TMEM63B: variants seen among roughly 807,000 people sequenced by gnomAD.
The protein encoded by TMEM63B is transmembrane protein 63B, also known as mechanosensitive cation channel TMEM63B.
In TMEM63B, 23 loss-of-function variants were observed where a neutral mutation model predicts 102.6. That is an observed-to-expected ratio of 0.22 (90% CI 0.16 to 0.32). TMEM63B has a LOEUF of 0.32. TMEM63B is among the 10% of genes least tolerant of loss of function. The probability of loss-of-function intolerance (pLI) is 1.00; values close to 1 mark genes in which losing one functional copy is unlikely to be tolerated. For synonymous variants in TMEM63B, 444 were observed against 437.0 expected, an observed-to-expected ratio of 1.02 and a Z score of -0.20; for missense variants, 628 against 1,095.9, an observed-to-expected ratio of 0.57 and a Z score of 6.03.
chr6:44,149,532 A>G (rs1390806127), intron 15 of TMEM63B, among the ~76,000 whole-genome samples: 1 of 152,208 alleles, frequency 6.6e-6, no homozygotes, highest in East Asian at 1.9e-4. Flanking sequence ...TAGGGAAGCT[A>G]TTGAATCTTT....
intron 2 of TMEM63B, 78 bp downstream of exon 2, chr6:44,134,821 T>C (rs1762594092): frequency 1.3e-6 from 2 of 1,516,186 alleles, no homozygotes; most frequent in Admixed American, 1.9e-5. Context: ...CTCTAACCAC[T>C]CTCCCACCTG....
intron 1 of TMEM63B, chr6:44,134,326 T>G: frequency 2.0e-6 from 1 of 492,370 alleles, no homozygotes; most frequent in Non-Finnish European, 3.6e-6. Flanking sequence ...AGTCCAGGCC[T>G]GGCATCTAGA....
intron 6 of TMEM63B, 76 bp downstream of exon 6, chr6:44,138,593 C>T: frequency 6.3e-7 from 1 of 1,588,154 alleles, no homozygotes; most frequent in Non-Finnish European, 8.6e-7. Context: ...AATTCAGAAG[C>T]CAGCAGCTTT....
At chr6:44,139,818 G>C (rs1052230253) in intron 8 of TMEM63B, 59 bp downstream of exon 8, 1 of 1,606,624 alleles carries the variant, frequency 6.2e-7, no homozygotes, top group South Asian at 1.1e-5. Flanking sequence ...GGGCCATGAT[G>C]TGGGACAGGG....
At chr6:44,153,463 T>C (rs1767237130) in intron 20 of TMEM63B, among the ~76,000 whole-genome samples, 1 of 152,226 alleles carries the variant, frequency 6.6e-6, no homozygotes, top group African/African-American at 2.4e-5. Context: ...AATAGTAGAA[T>C]TCCTGATGAG....
chr6:44,152,760 C>T lies in TMEM63B; in HGVS notation c.1942+62C>T. ...GGGGGACCCAGGACTTCACCCTCTCCACTCTAGGAATGCAGGCCACCCCGA... is the reference window on the plus strand; with the variant it reads ...GGGGGACCCAGGACTTCACCCTCTCTACTCTAGGAATGCAGGCCACCCCGA... On this transcript the variant is annotated intron_variant, in intron 20 of 23. Coordinates refer to ENST00000323267, the MANE Select transcript of TMEM63B (RefSeq NM_018426.3). The surrounding 1 kb of genome is among the most constrained non-coding windows in gnomAD (Gnocchi z 6.4). The T allele has an allele frequency of 7.0e-7, 1 of 1,419,692 alleles. No homozygotes were observed. Among genetic ancestry groups the T allele is most frequent in the East Asian group, 2.3e-5 (1 of 43,782 alleles). The allele number at this position is 1,419,692 out of a possible 1,614,324, so 87.9% of individuals were successfully genotyped here.
chr6:44,146,959 C>G (rs1765541077), intron 11 of TMEM63B, 32 bp downstream of exon 11: 2 of 1,606,358 alleles, frequency 1.2e-6, no homozygotes, highest in Admixed American at 1.7e-5. Context: ...AGGGTGACAC[C>G]AAGGGCCCCC....
intron 8 of TMEM63B, 105 bp downstream of exon 8, chr6:44,139,864 C>G (rs1763873820): frequency 4.9e-6 from 7 of 1,443,142 alleles, no homozygotes; most frequent in Non-Finnish European, 5.8e-6. Context: ...GCAGAGCCTA[C>G]AGGGATGGCT....
In TMEM63B at chr6:44,130,617, T is replaced by G. The variant is rs1428242009; in HGVS notation, c.-25+2939T>G. ...AGCATGCCCAGCTAAATTTTGGTGG[T>G]GGGGGGTATCTTTTGTAGAGACGGG... On this transcript the variant is annotated intron_variant, in intron 1 of 23. Coordinates refer to ENST00000323267, the MANE Select transcript of TMEM63B (RefSeq NM_018426.3). Among the ~76,000 whole-genome samples, 3 of 151,484 alleles carry G rather than the reference T, an allele frequency of 2.0e-5. No homozygotes were observed. The South Asian group carries it at 6.3e-4, about 32-fold the overall frequency.
chr6:44,126,697 C>T (rs1033624689), upstream of TMEM63B, among the ~76,000 whole-genome samples: 9 of 152,202 alleles, frequency 5.9e-5, no homozygotes, highest in African/African-American at 2.2e-4. Context: ...CCTCCAGGAA[C>T]CAGAAATTAA....
intron 12 of TMEM63B, 62 bp downstream of exon 12, chr6:44,147,562 G>T (rs1765677923): frequency 1.7e-5 from 27 of 1,586,852 alleles, no homozygotes; most frequent in Non-Finnish European, 2.3e-5. Flanking sequence ...AGGCAAGGCT[G>T]GGGCCCTGCC....
At chr6:44,149,704 C>G (rs776118138) in intron 15 of TMEM63B, among the ~76,000 whole-genome samples, 155 bp from the exon 16 acceptor site, 50 of 152,126 alleles carry the variant, frequency 3.3e-4, no homozygotes, top group Non-Finnish European at 6.0e-4. Context: ...CCCTGGCCCC[C>G]ACCCTCACCC....
In TMEM63B at chr6:44,150,928, G is replaced by T. The variant is rs1766466916; in HGVS notation, c.1673+299G>T. 6.6e-6 allele frequency among the ~76,000 whole-genome samples: 1 copy of T among 152,132 alleles called. No individual in the cohort carries two copies. ...TCCACATTCTGGTAGTTTCTATGGGGGTGTCTTGTGCCCATATTCTGGGAC... is the reference window on the plus strand; with the variant it reads ...TCCACATTCTGGTAGTTTCTATGGGTGTGTCTTGTGCCCATATTCTGGGAC... On this transcript the variant is annotated intron_variant, in intron 18 of 23. Transcript: ENST00000323267. The surrounding 1 kb of genome is among the most constrained non-coding windows in gnomAD (Gnocchi z 4.7).
chr6:44,145,426 C>CAA (rs772050735), intron 10 of TMEM63B, among the ~76,000 whole-genome samples: 4 of 117,022 alleles, frequency 3.4e-5, no homozygotes, highest in African/African-American at 6.3e-5. Flanking sequence ...ACTAAAAATA[C>CAA]AAAAAAAAAA....
At position 44,152,081 on chromosome 6, in the gene TMEM63B, G is replaced by T. The variant is rs1005240919; in HGVS notation, c.1836+73G>T. On this transcript the variant is annotated intron_variant, in intron 19 of 23. Transcript: ENST00000323267. The surrounding 1 kb of genome is among the most constrained non-coding windows in gnomAD (Gnocchi z 6.4). ...CCCAACAAGAAACAGCAGCCATCGC[G>T]CTAGGGTTGAGGGGCACAGGAGGGC... 4 of 1,502,550 alleles carry T rather than the reference G, an allele frequency of 2.7e-6. No individual in the cohort carries two copies. The highest frequency in any genetic ancestry group is 2.5e-5 in the East Asian group (1 of 40,332). 93.1% of individuals were successfully genotyped at this position (1,502,550 alleles called of 1,614,324 possible). A position where few individuals can be genotyped will look rare whatever the true frequency, so the allele number is the denominator to read the frequency against.
intron 10 of TMEM63B, among the ~76,000 whole-genome samples, chr6:44,141,422 G>A (rs1277588819): frequency 6.6e-6 from 1 of 152,162 alleles, no homozygotes; most frequent in African/African-American, 2.4e-5. Context: ...AAAATTAAAA[G>A]CAGCATTCTG....
chr6:44,143,094 G>C (rs550013783), intron 10 of TMEM63B, among the ~76,000 whole-genome samples: 1 of 152,370 alleles, frequency 6.6e-6, no homozygotes, highest in Admixed American at 6.5e-5. Context: ...TCATTGTCCT[G>C]GGTCAGGCCA....
At chr6:44,128,180 G>T (rs1226212411) in intron 1 of TMEM63B, among the ~76,000 whole-genome samples, 1 of 152,178 alleles carries the variant, frequency 6.6e-6, no homozygotes, top group African/African-American at 2.4e-5. Context: ...GCCGGTCCGG[G>T]GTAAGGGCTC....
Position 44,140,987 on chromosome 6 carries a change from G to A in TMEM63B, c.712-41G>A, listed in dbSNP as rs187171059. 8,483 of 1,595,646 alleles carry A rather than the reference G, an allele frequency of 5.3e-3. 38 individuals carry two copies. The highest frequency in any genetic ancestry group is 6.6e-3 in the Non-Finnish European group (7,710 of 1,163,690). On this transcript the variant is annotated intron_variant, in intron 9 of 23. Coordinates refer to ENST00000323267, the MANE Select transcript of TMEM63B (RefSeq NM_018426.3). Reference sequence around the variant, plus strand: ...CCCTCACATCCCCTGGCTCCACTGGGGTCAAGCCTCAGAAGGCAAACCCAC... The same window carrying A: ...CCCTCACATCCCCTGGCTCCACTGGAGTCAAGCCTCAGAAGGCAAACCCAC...
Sources: allele counts gnomAD v4.1 joint callset (sites outside exome capture counted in the v4.1 genomes callset), GRCh38; gene constraint gnomAD v4.1.1; non-coding constraint Gnocchi (gnomAD v3.1); transcripts MANE v1.5; gene names NCBI Gene and HGNC (gene_info 2026-07-23, HGNC 2026-07-21).